SLC4A1AP: variants seen among roughly 807,000 people sequenced by gnomAD.
The protein encoded by SLC4A1AP is kanadaptin.
A neutral mutation model predicts 89.7 loss-of-function variants in SLC4A1AP; 64 were observed. That is an observed-to-expected ratio of 0.71 (90% CI 0.58 to 0.88). SLC4A1AP has a LOEUF of 0.88. SLC4A1AP is among the 40% of genes least tolerant of loss of function. The probability of loss-of-function intolerance (pLI) is 0.00; values close to 1 mark genes in which losing one functional copy is unlikely to be tolerated. For missense variants in SLC4A1AP, 931 were observed against 965.0 expected (o/e 0.96, Z 0.47); for synonymous variants, 366 against 353.3 (o/e 1.04, Z -0.40).
In SLC4A1AP at chr2:27,668,828, G is replaced by T; in HGVS notation, c.1145-15G>T. On this transcript the variant is annotated splice_polypyrimidine_tract_variant and intron_variant, in intron 3 of 13. Coordinates refer to ENST00000613058, the Ensembl canonical transcript of SLC4A1AP. Reference sequence around the variant, plus strand: ...GGATTCTATTAAAATTGTTTTGTCTGTCTTTCTCCCACAGGAGAAGAATTA... The same window carrying T: ...GGATTCTATTAAAATTGTTTTGTCTTTCTTTCTCCCACAGGAGAAGAATTA... 1 of 1,610,928 alleles carries T rather than the reference G, an allele frequency of 6.2e-7. No homozygotes were observed. The highest frequency in any genetic ancestry group is 8.5e-7 in the Non-Finnish European group (1 of 1,177,352).
chr2:27,666,472 A>G (rs926346507), intron 2 of SLC4A1AP, among the ~76,000 whole-genome samples: 1 of 151,376 alleles, frequency 6.6e-6, no homozygotes, highest in African/African-American at 2.4e-5. Context: ...CTGGAACTTG[A>G]AGGAAAGGAA....
intron 11 of SLC4A1AP, 23 bp downstream of exon 11, chr2:27,688,043 T>C: frequency 6.4e-7 from 1 of 1,568,476 alleles, no homozygotes; most frequent in South Asian, 1.1e-5. Flanking sequence ...GCAGCCTTCA[T>C]TGCTGCTCTG....
In SLC4A1AP at chr2:27,682,340, T is replaced by A; in HGVS notation, c.1856T>A (p.Leu619Ter). ...ATGAAAGGAGGAAGCAAATTCAAATTAAAAACTGGAACAGTAGGGGTAAGT... is the reference window on the plus strand; with the variant it reads ...ATGAAAGGAGGAAGCAAATTCAAATAAAAAACTGGAACAGTAGGGGTAAGT... Residue 619 changes from leucine to a stop codon, truncating the protein, a stop_gained, in exon 9 of 14, where the codon TTA becomes TAA. Transcript: ENST00000613058. LOFTEE classifies it high-confidence loss of function. 1 of 1,611,788 alleles carries A rather than the reference T, an allele frequency of 6.2e-7. No homozygotes were observed. The highest frequency in any genetic ancestry group is 1.3e-5 in the African/African-American group (1 of 74,984).
At chr2:27,682,649 C>G (rs138340127) in intron 9 of SLC4A1AP, among the ~76,000 whole-genome samples, 1 of 151,566 alleles carries the variant, frequency 6.6e-6, no homozygotes, top group Non-Finnish European at 1.5e-5. Flanking sequence ...CTCAGCCTCT[C>G]GAGTAGCTGG....
At chr2:27,691,720 G>C (rs1272827087) in intron 12 of SLC4A1AP, 1 of 151,562 alleles carries the variant, frequency 6.6e-6, no homozygotes, top group East Asian at 1.9e-4. Flanking sequence ...CTCCTGAATA[G>C]CTGGGATTAC....
At chr2:27,680,574 G>A (rs2148136751) in intron 8 of SLC4A1AP, among the ~76,000 whole-genome samples, 1 of 152,154 alleles carries the variant, frequency 6.6e-6, no homozygotes, top group South Asian at 2.1e-4. Context: ...AGGATGGCTT[G>A]AGTTCAGGAG....
In SLC4A1AP at chr2:27,669,349, G is replaced by A. The variant is rs528840637; in HGVS notation, c.1307G>A (p.Arg436Gln). The A allele has an allele frequency of 2.8e-5, 45 of 1,613,140 alleles. No homozygotes were observed. In the South Asian group the frequency reaches 4.4e-4, roughly 16 times the overall value. The change falls in exon 5 of 14, where the codon CGG becomes CAG. Residue 436 changes from arginine (R) to glutamine (Q), a missense_variant. Physicochemically the swap from Arg to Gln is conservative, Grantham distance 43. Transcript: ENST00000613058. The stretch of plus-strand genomic sequence containing the variant: ...ATCCAGTGCTCATTGGAAGCTTGTC[G>A]GATTCTTGACACTTTGGGATTGCTT...
chr2:27,670,706 A>C (rs1012939400), intron 5 of SLC4A1AP, among the ~76,000 whole-genome samples: 9 of 151,512 alleles, frequency 5.9e-5, no homozygotes, highest in African/African-American at 1.9e-4. Flanking sequence ...AATACAAAAA[A>C]AAAAATCAGT....
intron 3 of SLC4A1AP, among the ~76,000 whole-genome samples, chr2:27,668,428 G>A (rs1401493125): frequency 1.3e-5 from 2 of 151,934 alleles, no homozygotes; most frequent in Non-Finnish European, 2.9e-5. Context: ...GGGATTACAA[G>A]CGTGAGCCAC....
chr2:27,681,546 C>T (rs1452929213), intron 8 of SLC4A1AP, among the ~76,000 whole-genome samples: 2 of 152,142 alleles, frequency 1.3e-5, no homozygotes, highest in Non-Finnish European at 2.9e-5. Flanking sequence ...TCTGTCTCCT[C>T]ATGCCATATT....
chr2:27,675,493 T>G lies in SLC4A1AP; in HGVS notation c.1346-39T>G, dbSNP rs771494808. 7.6e-6 allele frequency: 11 copies of G among 1,452,566 alleles called. No individual in the cohort carries two copies. In the South Asian group the frequency reaches 1.5e-4, roughly 19 times the overall value. The allele number at this position is 1,452,566 out of a possible 1,614,324, so 90.0% of individuals were successfully genotyped here. On this transcript the variant is annotated intron_variant, in intron 5 of 13. Transcript: ENST00000613058. ...TGCCTTCTTTCTTTTTCTTTTCTTT[T>G]TTAAAAACTTATTTATTCATCATTT... is the stretch of plus-strand genomic sequence containing the variant.
exon 1 of SLC4A1AP, chr2:27,664,482 C>T: frequency 6.2e-7 from 1 of 1,614,222 alleles, no homozygotes. Flanking sequence ...TGGCACTTTT[C>T]TCAACAAAAC....
At chr2:27,676,852 T>C (rs922724972) in intron 6 of SLC4A1AP, among the ~76,000 whole-genome samples, 10 of 149,534 alleles carry the variant, frequency 6.7e-5, no homozygotes, top group Non-Finnish European at 1.5e-4. Flanking sequence ...AAAAAACTAT[T>C]AACTCTGGCC....
intron 5 of SLC4A1AP, among the ~76,000 whole-genome samples, chr2:27,670,525 TC>T (rs1351216477): frequency 1.3e-5 from 2 of 152,126 alleles, no homozygotes; most frequent in Non-Finnish European, 2.9e-5. Flanking sequence ...CTAAAGGCTT[TC>T]AGTTTTTTCA....
At chr2:27,687,868 T>G in intron 10 of SLC4A1AP, 66 bp from the exon 11 acceptor site, 1 of 1,269,438 alleles carries the variant, frequency 7.9e-7, no homozygotes, top group South Asian at 1.3e-5. Context: ...TGTTTTTGTT[T>G]TTGTTTGTTT....
chr2:27,675,671 G>A (rs756246819), exon 6 of SLC4A1AP: 10 of 1,588,954 alleles, frequency 6.3e-6, no homozygotes, highest in Non-Finnish European at 7.7e-6. Flanking sequence ...TTGATGAGAA[G>A]CCAGAGACCT....
chr2:27,688,571 A>G (rs1449919350), intron 11 of SLC4A1AP, 129 bp from the exon 12 acceptor site: 1 of 633,052 alleles, frequency 1.6e-6, no homozygotes, highest in Non-Finnish European at 2.7e-6. Flanking sequence ...AGTAGAAGGA[A>G]TTGTTGAGAA....
intron 5 of SLC4A1AP, among the ~76,000 whole-genome samples, chr2:27,672,132 T>C (rs867148347): frequency 6.6e-6 from 1 of 152,134 alleles, no homozygotes; most frequent in Admixed American, 6.6e-5. Flanking sequence ...TTTCTGTGGG[T>C]CTATTTTTCT....
chr2:27,694,539 T>G (rs1416510742), intron 13 of SLC4A1AP, 95 bp from the exon 14 acceptor site: 2 of 848,424 alleles, frequency 2.4e-6, no homozygotes, highest in East Asian at 5.8e-5. Flanking sequence ...CCTTTTTGTC[T>G]ATTTTACTTT....
Sources: allele counts gnomAD v4.1 joint callset (sites outside exome capture counted in the v4.1 genomes callset), GRCh38; gene constraint gnomAD v4.1.1; transcripts MANE v1.5; gene names NCBI Gene and HGNC (gene_info 2026-07-23, HGNC 2026-07-21).